CHRM3: variants seen among roughly 807,000 people sequenced by gnomAD.
CHRM3 encodes muscarinic acetylcholine receptor M3.
A neutral mutation model predicts 41.8 loss-of-function variants in CHRM3; 11 were observed. The ratio of observed to expected loss-of-function variants is 0.26; its 90% CI spans 0.17 to 0.44. CHRM3 has a LOEUF of 0.44. Among genes scored for constraint, CHRM3 ranks in the 20% least tolerant of loss-of-function variants. The pLI is 1.00. For synonymous variants in CHRM3, 297 were observed against 301.4 expected (o/e 0.99, Z 0.15); for missense variants, 571 against 745.4 (o/e 0.77, Z 2.72).
chr1:239,564,214 A>C (rs1175878171), intron 3 of CHRM3, among the ~76,000 whole-genome samples: 2 of 152,208 alleles, frequency 1.3e-5, no homozygotes, highest in Admixed American at 1.3e-4. Context: ...TTTTTATCTA[A>C]GCATTGAGAA....
chr1:239,698,436 G>A lies in CHRM3; in HGVS notation c.-147+20148G>A, dbSNP rs947010897. On this transcript the variant is annotated intron_variant, in intron 5 of 6. Coordinates refer to ENST00000676153, the MANE Select transcript of CHRM3 (RefSeq NM_001375978.1). ...CAATTGTGGACCTCTCAAAAGGCAG[G>A]AACATGCATATCTGATATCTTGACA... 3.3e-5 allele frequency among the ~76,000 whole-genome samples: 5 copies of A among 152,210 alleles called. No individual in the cohort carries two copies. The East Asian group carries it at 9.7e-4, about 29-fold the overall frequency.
intron 1 of CHRM3, among the ~76,000 whole-genome samples, chr1:239,423,345 G>C (rs1662108015): frequency 6.6e-6 from 1 of 152,142 alleles, no homozygotes; most frequent in South Asian, 2.1e-4. Context: ...CTTATTTGTG[G>C]AACTCTTGGA....
At chr1:239,822,023 C>A (rs994732905) in intron 5 of CHRM3, among the ~76,000 whole-genome samples, 11 of 152,184 alleles carry the variant, frequency 7.2e-5, no homozygotes, top group African/African-American at 2.7e-4. Flanking sequence ...TGTAAGTTTC[C>A]TGAGGCCTCC....
rs190236022 is a variant in CHRM3 at position 239,841,733 on chromosome 1, G to T, written c.-20+14355G>T. On this transcript the variant is annotated intron_variant, in intron 6 of 6. Transcript: ENST00000676153. The stretch of plus-strand genomic sequence containing the variant: ...TGACTCTTGAAGAGCAGCTTTCAAG[G>T]CATTAGCATAACTTGTTTCTTCTTT... Among the ~76,000 whole-genome samples, 3 of 152,284 alleles carry T rather than the reference G, an allele frequency of 2.0e-5. No individual in the cohort carries two copies. The East Asian group carries it at 5.8e-4, about 29-fold the overall frequency.
At position 239,689,266 on chromosome 1, in the gene CHRM3, C is replaced by A. The variant is rs182710245; in HGVS notation, c.-147+10978C>A. Among the ~76,000 whole-genome samples, 554 of 151,548 alleles carry A rather than the reference C, an allele frequency of 3.7e-3. 1 individual carries two copies. Among genetic ancestry groups the A allele is most frequent in the Middle Eastern group, 0.017 (5 of 294 alleles). On this transcript the variant is annotated intron_variant, in intron 5 of 6. Coordinates refer to ENST00000676153, the MANE Select transcript of CHRM3 (RefSeq NM_001375978.1). The stretch of plus-strand genomic sequence containing the variant: ...ATAGGATGAGATTTTTCTCAGTTTA[C>A]TTTTTTTTCAGAGAAGGATTCTATA...
chr1:239,746,507 A>T (rs1260977495), intron 5 of CHRM3, among the ~76,000 whole-genome samples: 1 of 152,230 alleles, frequency 6.6e-6, no homozygotes, highest in African/African-American at 2.4e-5. Context: ...TGTGTAAAGC[A>T]AAATATACAT....
chr1:239,496,125 CTATT>C (rs888282279), intron 2 of CHRM3, among the ~76,000 whole-genome samples: 2 of 152,176 alleles, frequency 1.3e-5, no homozygotes, highest in Non-Finnish European at 2.9e-5. Context: ...TGACGTCTCT[CTATT>C]TATTTCTTTT....
chr1:239,843,809 A>G (rs1674036057), intron 6 of CHRM3, among the ~76,000 whole-genome samples: 1 of 151,940 alleles, frequency 6.6e-6, no homozygotes, highest in South Asian at 2.1e-4. Context: ...TGGACAGGTA[A>G]TTTCTATTTA....
chr1:239,654,509 C>T (rs926067628), intron 4 of CHRM3, among the ~76,000 whole-genome samples: 2 of 152,236 alleles, frequency 1.3e-5, no homozygotes, highest in African/African-American at 4.8e-5. Context: ...AGTGATTCTT[C>T]TGCCTCAGCC....
chr1:239,530,044 C>T (rs1385412644), intron 2 of CHRM3, among the ~76,000 whole-genome samples: 2 of 151,970 alleles, frequency 1.3e-5, no homozygotes, highest in Non-Finnish European at 2.9e-5. Flanking sequence ...ACTGCAGGTG[C>T]CCGCCACCAT....
intron 1 of CHRM3, among the ~76,000 whole-genome samples, chr1:239,469,192 G>A (rs1197444497): frequency 6.6e-6 from 1 of 152,192 alleles, no homozygotes; most frequent in Non-Finnish European, 1.5e-5. Context: ...TAGGGTTATT[G>A]TAGAGGGTCA....
rs1680448846 is a variant in CHRM3 at position 239,913,014 on chromosome 1, C to T, written c.*3790C>T. On this transcript the variant is annotated 3_prime_UTR_variant, in exon 7 of 7. Coordinates refer to ENST00000676153, the MANE Select transcript of CHRM3 (RefSeq NM_001375978.1). The stretch of plus-strand genomic sequence containing the variant: ...GCTTCTCTAATTTGCCTTCTGATGC[C>T]AAATCGGTCAAAACTGAGGTCAGCA... 6.0e-6 allele frequency: 1 copy of T among 166,966 alleles called. No homozygotes were observed. Among genetic ancestry groups the T allele is most frequent in the South Asian group, 2.1e-4 (1 of 4,818 alleles). The allele number at this position is 166,966 out of a possible 1,614,324, so 10.3% of individuals were successfully genotyped here.
chr1:239,570,794 C>T (rs569587982), intron 3 of CHRM3, among the ~76,000 whole-genome samples: 3 of 152,050 alleles, frequency 2.0e-5, no homozygotes, highest in Admixed American at 6.6e-5. Context: ...GAGAGGTCAC[C>T]GTAGTTCATG....
At chr1:239,554,729 CTT>C (rs750207504) in intron 3 of CHRM3, among the ~76,000 whole-genome samples, 19 of 122,922 alleles carry the variant, frequency 1.5e-4, no homozygotes, top group African/African-American at 3.6e-4. Context: ...GTATTTCTTT[CTT>C]TTTTTTTTTT....
intron 2 of CHRM3, among the ~76,000 whole-genome samples, chr1:239,502,007 A>G (rs1025527575): frequency 2.4e-4 from 36 of 152,292 alleles, no homozygotes; most frequent in African/African-American, 6.7e-4. Flanking sequence ...CTAAGGACAC[A>G]TCTCAGGTAA....
At chr1:239,483,272 C>T (rs982248081) in intron 1 of CHRM3, among the ~76,000 whole-genome samples, 1 of 152,208 alleles carries the variant, frequency 6.6e-6, no homozygotes, top group African/African-American at 2.4e-5. Context: ...AGTGTTGTCC[C>T]AGTAGAAGAC....
At chr1:239,654,688 C>T (rs112508692) in intron 4 of CHRM3, among the ~76,000 whole-genome samples, 6,131 of 152,252 alleles carry the variant, frequency 0.04, 287 homozygotes, top group African/African-American at 0.11. Context: ...CATGAGCCAC[C>T]ACGTCCAGCC....
chr1:239,444,786 T>C (rs1664003818), intron 1 of CHRM3, among the ~76,000 whole-genome samples: 2 of 152,020 alleles, frequency 1.3e-5, no homozygotes, highest in Admixed American at 1.3e-4. Flanking sequence ...GAGAATATTG[T>C]ATGTTTCTTA....
chr1:239,803,008 C>A (rs1670340853), intron 5 of CHRM3, among the ~76,000 whole-genome samples: 1 of 152,200 alleles, frequency 6.6e-6, no homozygotes, highest in African/African-American at 2.4e-5. Flanking sequence ...TATATGCAAT[C>A]TGTGGTCCAT....
Sources: allele counts gnomAD v4.1 joint callset (sites outside exome capture counted in the v4.1 genomes callset), GRCh38; gene constraint gnomAD v4.1.1; transcripts MANE v1.5; gene names NCBI Gene and HGNC (gene_info 2026-07-23, HGNC 2026-07-21).